Variants in RIN2 observed in about 807,000 individuals in gnomAD.
RIN2 encodes the protein RAB5 interacting protein 2.
A neutral mutation model predicts 78.0 loss-of-function variants in RIN2; 36 were observed. That is an observed-to-expected ratio of 0.46 (90% confidence interval 0.35 to 0.61). The LOEUF (loss-of-function observed/expected upper bound fraction) is 0.61. RIN2 is among the 20% of genes least tolerant of loss of function. The pLI is 0.00. For synonymous variants in RIN2, 466 were observed against 466.8 expected (o/e 1.00, Z 0.02); for missense variants, 1,087 against 1,159.7 (o/e 0.94, Z 0.91).
At chr20:19,762,984 C>T (rs1036185856) in intron 1 of RIN2, among the ~76,000 whole-genome samples, 4 of 152,000 alleles carry the variant, frequency 2.6e-5, no homozygotes, top group East Asian at 2.0e-4. Flanking sequence ...AGGCTGGTCT[C>T]GAACTCCTGA....
At chr20:19,932,102 C>T (rs2146105028) in intron 3 of RIN2, among the ~76,000 whole-genome samples, 1 of 152,346 alleles carries the variant, frequency 6.6e-6, no homozygotes, top group South Asian at 2.1e-4. Flanking sequence ...TTGTAACGGT[C>T]TTAAAAGGTG....
intron 2 of RIN2, among the ~76,000 whole-genome samples, chr20:19,832,609 C>T (rs994415678): frequency 1.3e-5 from 2 of 151,896 alleles, no homozygotes; most frequent in African/African-American, 4.8e-5. Flanking sequence ...CAGCCCCTTC[C>T]TTAGTCCCTC....
At chr20:19,948,241 T>G (rs2041175504) in intron 4 of RIN2, among the ~76,000 whole-genome samples, 1 of 152,174 alleles carries the variant, frequency 6.6e-6, no homozygotes, top group Non-Finnish European at 1.5e-5. Context: ...AAAGCATCAT[T>G]TGACTTACGG....
chr20:19,871,703 A>G (rs1026532372), intron 2 of RIN2, among the ~76,000 whole-genome samples: 1 of 152,108 alleles, frequency 6.6e-6, no homozygotes, highest in Non-Finnish European at 1.5e-5. Context: ...TCCTATCTCC[A>G]CTTCTGTGGG....
At chr20:19,895,380 C>A (rs1349161264) in intron 3 of RIN2, among the ~76,000 whole-genome samples, 1 of 152,154 alleles carries the variant, frequency 6.6e-6, no homozygotes, top group Non-Finnish European at 1.5e-5. Context: ...GTTCTAATTT[C>A]TTACCGGCAT....
At chr20:19,880,137 T>C (rs187587544) in intron 2 of RIN2, among the ~76,000 whole-genome samples, 2 of 151,426 alleles carry the variant, frequency 1.3e-5, no homozygotes, top group East Asian at 3.9e-4. Flanking sequence ...TGATCTCAGC[T>C]ACTCAGGTAA....
intron 2 of RIN2, among the ~76,000 whole-genome samples, chr20:19,861,709 T>C (rs1443536359): frequency 6.6e-6 from 1 of 151,162 alleles, no homozygotes; most frequent in East Asian, 2.0e-4. Context: ...CCATATCTGA[T>C]GATCATCCTC....
intron 2 of RIN2, among the ~76,000 whole-genome samples, chr20:19,848,645 C>A: frequency 8.1e-6 from 1 of 122,808 alleles, no homozygotes; most frequent in Non-Finnish European, 1.8e-5. Context: ...ATCCTCTTCC[C>A]GGTTTAAGAA....
chr20:19,868,310 G>A (rs148442618), intron 2 of RIN2, among the ~76,000 whole-genome samples: 29 of 152,348 alleles, frequency 1.9e-4, no homozygotes, highest in African/African-American at 4.6e-4. Flanking sequence ...GCTTTCCACC[G>A]CCTGGCTACG....
At chr20:19,852,415 C>T (rs778062308) in intron 2 of RIN2, among the ~76,000 whole-genome samples, 1 of 152,196 alleles carries the variant, frequency 6.6e-6, no homozygotes, top group Admixed American at 6.5e-5. Flanking sequence ...GACTAGAAAG[C>T]TCCTGTCATC....
chr20:19,966,321 C>T (rs1043414546), intron 7 of RIN2, among the ~76,000 whole-genome samples: 27 of 144,704 alleles, frequency 1.9e-4, no homozygotes, highest in African/African-American at 2.5e-4. Context: ...GGAGGCACTA[C>T]GCACTTTTTT....
chr20:19,950,315 C>G (rs1030813474), intron 4 of RIN2, among the ~76,000 whole-genome samples: 8 of 152,116 alleles, frequency 5.3e-5, no homozygotes, highest in Admixed American at 5.2e-4. Flanking sequence ...TTTTATCTCC[C>G]CATGATAGCA....
chr20:19,971,448 T>C (rs2042104418), intron 8 of RIN2, among the ~76,000 whole-genome samples: 1 of 152,156 alleles, frequency 6.6e-6, no homozygotes, highest in Non-Finnish European at 1.5e-5. Flanking sequence ...GATCAAGACA[T>C]ACAACTCACC....
intron 3 of RIN2, among the ~76,000 whole-genome samples, chr20:19,921,170 G>A (rs2039903247): frequency 6.6e-6 from 1 of 152,176 alleles, no homozygotes; most frequent in South Asian, 2.1e-4. Context: ...TTTGTATGTT[G>A]AGAGGAGCAG....
At chr20:19,794,981 G>A (rs1250246883) in intron 1 of RIN2, among the ~76,000 whole-genome samples, 1 of 152,184 alleles carries the variant, frequency 6.6e-6, no homozygotes, top group African/African-American at 2.4e-5. Context: ...ACTCTAGTTT[G>A]TTGAGAAACC....
chr20:19,807,705 A>G (rs1355353172), intron 2 of RIN2, among the ~76,000 whole-genome samples: 1 of 152,218 alleles, frequency 6.6e-6, no homozygotes, highest in Non-Finnish European at 1.5e-5. Context: ...AGCAAGTAGA[A>G]TGAATAAATT....
At chr20:19,907,271 G>T (rs1339690098) in intron 3 of RIN2, among the ~76,000 whole-genome samples, 1 of 152,180 alleles carries the variant, frequency 6.6e-6, no homozygotes, top group Non-Finnish European at 1.5e-5. Flanking sequence ...CCTCCTAAAA[G>T]CCCCACCTCT....
At chr20:19,890,860 A>C (rs2038427110) in intron 3 of RIN2, among the ~76,000 whole-genome samples, 1 of 152,110 alleles carries the variant, frequency 6.6e-6, no homozygotes. Context: ...TTCAAGCTGC[A>C]TTTTTCAAGG....
chr20:19,881,153 T>G lies in RIN2; in HGVS notation c.-36-8413T>G, dbSNP rs6112629. On this transcript the variant is annotated intron_variant, in intron 2 of 12. Transcript: ENST00000255006. Reference sequence around the variant, plus strand: ...TGGTTTAGAATTAGTGAATTAAATATAGTGGTGACCTGGAATTGGTTCTCC... The same window carrying G: ...TGGTTTAGAATTAGTGAATTAAATAGAGTGGTGACCTGGAATTGGTTCTCC... 3.6e-3 allele frequency among the ~76,000 whole-genome samples: 541 copies of G among 152,364 alleles called. 2 individuals are homozygous for G. The highest frequency in any genetic ancestry group is 0.012 in the African/African-American group (479 of 41,586).
Sources: gnomAD v4.1 joint callset for allele counts (sites outside exome capture counted in the v4.1 genomes callset) on GRCh38, gnomAD v4.1.1 for gene constraint, MANE v1.5 for transcripts, NCBI Gene and HGNC (gene_info 2026-07-23, HGNC 2026-07-21) for gene names.